CSMD1: variants seen among roughly 807,000 people sequenced by gnomAD.
CSMD1 encodes CUB and Sushi multiple domains 1.
A neutral mutation model predicts 417.5 loss-of-function variants in CSMD1; 213 were observed. That is an observed-to-expected ratio of 0.51 (90% CI 0.46 to 0.57). CSMD1 has a LOEUF of 0.57. Among genes scored for constraint, CSMD1 ranks in the 20% least tolerant of loss-of-function variants. The pLI, the probability that CSMD1 is intolerant of heterozygous loss-of-function variation, is 0.00. For missense variants in CSMD1, 6,923 were observed against 4,529.7 expected, an observed-to-expected ratio of 1.53 and a Z score of -15.17; for synonymous variants, 2,862 against 1,736.8, an observed-to-expected ratio of 1.65 and a Z score of -16.11.
intron 3 of CSMD1, among the ~76,000 whole-genome samples, chr8:4,329,732 C>T (rs1340729744): frequency 6.6e-6 from 1 of 151,998 alleles, no homozygotes; most frequent in African/African-American, 2.4e-5. Context: ...GGTATCTGGA[C>T]TATGGGAGCA....
rs959068870 is a variant in CSMD1, at chr8:3,090,039, CGCGGTG to C, written c.7285+1471_7285+1476del. On this transcript the variant is annotated intron_variant, in intron 48 of 69. Coordinates refer to ENST00000635120, the MANE Select transcript of CSMD1 (RefSeq NM_033225.6). ...TTTAAGAGTCTGACTATCGGCCGGG[CGCGGTG>C]GCTTAACGCCTGTAATCCCAGCACT... Among the ~76,000 whole-genome samples, 32 of 152,170 alleles carry C rather than the reference CGCGGTG, an allele frequency of 2.1e-4. 1 individual carries two copies. The highest frequency in any genetic ancestry group is 6.2e-4 in the South Asian group (3 of 4,820).
At position 3,493,685 on chromosome 8, in the gene CSMD1, G is replaced by C. The variant is rs532206888; in HGVS notation, c.1386C>G (p.Gly462=). Residue 462 remains glycine, a synonymous_variant, in exon 11 of 70, where the codon GGC becomes GGG. Coordinates refer to ENST00000635120, the MANE Select transcript of CSMD1 (RefSeq NM_033225.6). The part of the protein sequence containing the change: ...LAFEEFELER[G]YDTLTVGDAG... ...CATCACCAACCGTCAGGGTGTCATA[G>C]CCTCGCTCCAGCTCAAACTCTTCAA... 2 of 1,612,332 alleles carry C rather than the reference G, an allele frequency of 1.2e-6. No homozygotes were observed. The highest frequency in any genetic ancestry group is 2.2e-5 in the East Asian group (1 of 44,830).
intron 1 of CSMD1, among the ~76,000 whole-genome samples, chr8:4,885,880 A>C (rs566110696): frequency 1.3e-4 from 20 of 152,230 alleles, no homozygotes; most frequent in East Asian, 1.2e-3. Flanking sequence ...AAAAAAATCA[A>C]CACTGCTTTC....
In CSMD1 at chr8:3,355,752, A is replaced by G. The variant is rs186398353; in HGVS notation, c.3304+3400T>C. ...TCAAACCTCACCTGAAGATGTCCCTAGGTATGGACTTTACATCACCTTACC... is the reference window on the plus strand; with the variant it reads ...TCAAACCTCACCTGAAGATGTCCCTGGGTATGGACTTTACATCACCTTACC... On this transcript the variant is annotated intron_variant, in intron 21 of 69. Transcript: ENST00000635120. Among the ~76,000 whole-genome samples the G allele has an allele frequency of 4.3e-3, 662 of 152,298 alleles. 4 individuals are homozygous for G. Among genetic ancestry groups the G allele is most frequent in the African/African-American group, 0.015 (636 of 41,578 alleles).
At chr8:3,495,709 A>G (rs1026762931) in intron 10 of CSMD1, among the ~76,000 whole-genome samples, 44 of 152,210 alleles carry the variant, frequency 2.9e-4, no homozygotes, top group African/African-American at 9.9e-4. Flanking sequence ...CCATCCTTTC[A>G]GAGTAAAAGA....
chr8:4,453,656 C>G (rs1003936186), intron 2 of CSMD1, among the ~76,000 whole-genome samples: 1 of 151,910 alleles, frequency 6.6e-6, no homozygotes, highest in Non-Finnish European at 1.5e-5. Flanking sequence ...CTCTAGCCCC[C>G]GACACCTGCA....
chr8:4,315,788 A>C (rs1433332781), intron 3 of CSMD1, among the ~76,000 whole-genome samples: 1 of 126,678 alleles, frequency 7.9e-6, no homozygotes, highest in Non-Finnish European at 1.8e-5. Flanking sequence ...CATATTTTGC[A>C]TAAAGTAATT....
At chr8:4,529,129 G>C (rs1381111343) in intron 2 of CSMD1, among the ~76,000 whole-genome samples, 1 of 152,128 alleles carries the variant, frequency 6.6e-6, no homozygotes, top group Non-Finnish European at 1.5e-5. Flanking sequence ...ACCAAACAGT[G>C]ATTCTCAAAG....
chr8:4,644,368 A>G (rs1531532), intron 1 of CSMD1, among the ~76,000 whole-genome samples: 90,763 of 151,804 alleles, frequency 0.6, 27,564 homozygotes, highest in Admixed American at 0.7. Context: ...AGACACTCAT[A>G]TCTCAATCAG....
intron 7 of CSMD1, among the ~76,000 whole-genome samples, chr8:3,639,770 C>T (rs4523283): frequency 0.48 from 72,383 of 151,828 alleles, 17,393 homozygotes; most frequent in Middle Eastern, 0.63. Context: ...TCTTGTTATT[C>T]TTCATAATCT....
chr8:4,861,201 C>T (rs1802110457), intron 1 of CSMD1, among the ~76,000 whole-genome samples: 1 of 152,088 alleles, frequency 6.6e-6, no homozygotes, highest in Non-Finnish European at 1.5e-5. Context: ...TCTCAGAGAC[C>T]TGCTCTAATC....
At chr8:3,709,287 C>G (rs948400758) in intron 6 of CSMD1, among the ~76,000 whole-genome samples, 5 of 151,940 alleles carry the variant, frequency 3.3e-5, no homozygotes, top group Non-Finnish European at 5.9e-5. Flanking sequence ...TTTCTGAGGT[C>G]CCCATATGAG....
chr8:4,618,749 T>C (rs1224120514), intron 2 of CSMD1, among the ~76,000 whole-genome samples: 1 of 152,144 alleles, frequency 6.6e-6, no homozygotes, highest in Non-Finnish European at 1.5e-5. Context: ...TGAGTAAAAA[T>C]GTTGCCACCT....
intron 8 of CSMD1, among the ~76,000 whole-genome samples, chr8:3,604,021 CTGTAAA>C (rs1403852593): frequency 3.3e-5 from 5 of 152,092 alleles, no homozygotes. Flanking sequence ...GCCTTACAAC[CTGTAAA>C]TGTAAATGCA....
At chr8:4,506,164 T>A (rs1436423777) in intron 2 of CSMD1, among the ~76,000 whole-genome samples, 1 of 152,138 alleles carries the variant, frequency 6.6e-6, no homozygotes, top group Admixed American at 6.6e-5. Flanking sequence ...CAAAAGTAAT[T>A]GCGGTTTTTG....
At chr8:3,028,808 G>A (rs866087238) in intron 51 of CSMD1, among the ~76,000 whole-genome samples, 4 of 152,138 alleles carry the variant, frequency 2.6e-5, no homozygotes, top group Middle Eastern at 3.2e-3. Context: ...GATTCAGAGT[G>A]CTCTGAACAA....
At chr8:3,413,384 G>C (rs1411547039) in intron 12 of CSMD1, among the ~76,000 whole-genome samples, 1 of 152,298 alleles carries the variant, frequency 6.6e-6, no homozygotes, top group East Asian at 1.9e-4. Flanking sequence ...CCTGTGGTTA[G>C]CTGATCCCAC....
chr8:3,098,036 G>T (rs1451859226), intron 46 of CSMD1, among the ~76,000 whole-genome samples: 2 of 152,172 alleles, frequency 1.3e-5, no homozygotes, highest in Non-Finnish European at 2.9e-5. Context: ...ATCTGGACAT[G>T]CAAAGCAAAA....
intron 5 of CSMD1, among the ~76,000 whole-genome samples, chr8:3,806,182 C>G (rs115859369): frequency 0.014 from 2,120 of 152,236 alleles, 46 homozygotes; most frequent in African/African-American, 0.047. Flanking sequence ...TACCTTGGGT[C>G]GTCCATTCAA....
Sources: gnomAD v4.1 joint callset for allele counts (sites outside exome capture counted in the v4.1 genomes callset) on GRCh38, gnomAD v4.1.1 for gene constraint, MANE v1.5 for transcripts, NCBI Gene and HGNC (gene_info 2026-07-23, HGNC 2026-07-21) for gene names.